The following CAMTA1 variants were observed in gnomAD, a reference collection of about 807,000 sequenced individuals.
CAMTA1 encodes calmodulin-binding transcription activator 1.
CAMTA1 carries 27 observed loss-of-function variants against 170.9 expected under a neutral mutation model. The observed-to-expected ratio is 0.16, with a 90% CI of 0.12 to 0.22. The LOEUF is 0.22. Among genes scored for constraint, CAMTA1 ranks in the 10% least tolerant of loss-of-function variants. The pLI is 1.00. For missense variants in CAMTA1, 1,619 were observed against 2,217.2 expected (o/e 0.73, Z 5.42); for synonymous variants, 833 against 891.5 (o/e 0.93, Z 1.17).
chr1:7,019,363 A>G (rs1442800606), intron 3 of CAMTA1, among the ~76,000 whole-genome samples: 1 of 152,192 alleles, frequency 6.6e-6, no homozygotes, highest in Admixed American at 6.5e-5. Flanking sequence ...AAGACCTTCC[A>G]AAAGAGTGAG....
intron 3 of CAMTA1, among the ~76,000 whole-genome samples, chr1:7,025,209 C>T (rs1701863779): frequency 6.6e-6 from 1 of 152,212 alleles, no homozygotes. Flanking sequence ...GGGGAGGCTT[C>T]TGGAAGCCTG....
chr1:7,042,069 G>A (rs1192255190), intron 3 of CAMTA1, among the ~76,000 whole-genome samples: 1 of 149,326 alleles, frequency 6.7e-6, no homozygotes, highest in African/African-American at 2.4e-5. Context: ...TGATAGAGGT[G>A]CTTGCTTGTG....
At chr1:7,722,406 A>G (rs1331387970) in intron 11 of CAMTA1, among the ~76,000 whole-genome samples, 1 of 152,298 alleles carries the variant, frequency 6.6e-6, no homozygotes, top group East Asian at 1.9e-4. Flanking sequence ...AGAGGCTAGG[A>G]TGGGGTCGAC....
chr1:6,950,336 G>A (rs931014764), intron 3 of CAMTA1, among the ~76,000 whole-genome samples: 13 of 152,180 alleles, frequency 8.5e-5, no homozygotes, highest in Non-Finnish European at 1.5e-5. Context: ...GTGTGCTTTT[G>A]TTATATTTTT....
chr1:7,630,843 A>T (rs1454680702), intron 6 of CAMTA1, among the ~76,000 whole-genome samples: 1 of 152,230 alleles, frequency 6.6e-6, no homozygotes, highest in Non-Finnish European at 1.5e-5. Context: ...ACTCGGCCGC[A>T]GTGGGAGATC....
At chr1:6,937,332 A>G (rs1198391640) in intron 3 of CAMTA1, among the ~76,000 whole-genome samples, 1 of 149,852 alleles carries the variant, frequency 6.7e-6, no homozygotes, top group East Asian at 2.0e-4. Flanking sequence ...CACCATCACC[A>G]TTCACCACTT....
intron 3 of CAMTA1, among the ~76,000 whole-genome samples, chr1:6,956,081 C>T (rs545343060): frequency 6.6e-6 from 1 of 152,248 alleles, no homozygotes; most frequent in Non-Finnish European, 1.5e-5. Flanking sequence ...TCATGCACAC[C>T]GCTTGGGGCT....
chr1:7,017,673 C>T (rs906761574), intron 3 of CAMTA1, among the ~76,000 whole-genome samples: 1 of 152,214 alleles, frequency 6.6e-6, no homozygotes, highest in Non-Finnish European at 1.5e-5. Context: ...TTTTCTTCTG[C>T]TTCCTTTCCT....
At chr1:7,095,359 T>G (rs911013479) in intron 4 of CAMTA1, among the ~76,000 whole-genome samples, 1 of 152,070 alleles carries the variant, frequency 6.6e-6, no homozygotes, top group African/African-American at 2.4e-5. Context: ...TTTCTCCACT[T>G]CAGTTTTTCG....
At chr1:7,328,181 G>A (rs1373834017) in intron 5 of CAMTA1, among the ~76,000 whole-genome samples, 1 of 152,100 alleles carries the variant, frequency 6.6e-6, no homozygotes, top group Non-Finnish European at 1.5e-5. Context: ...TTTGGTGGCT[G>A]GCTGTCTTTC....
chr1:7,624,111 T>A (rs1178922033), intron 6 of CAMTA1, among the ~76,000 whole-genome samples: 3 of 152,364 alleles, frequency 2.0e-5, no homozygotes, highest in African/African-American at 7.2e-5. Flanking sequence ...TCAGCCCAGC[T>A]TCTGTTTTCT....
chr1:7,045,875 G>A (rs76299678), intron 3 of CAMTA1, among the ~76,000 whole-genome samples: 16,202 of 152,218 alleles, frequency 0.11, 1,130 homozygotes, highest in East Asian at 0.22. Flanking sequence ...GAATGTGCCC[G>A]ATTTAGATGT....
intron 3 of CAMTA1, among the ~76,000 whole-genome samples, chr1:7,056,604 G>A (rs1242182443): frequency 2.0e-5 from 3 of 152,140 alleles, no homozygotes; most frequent in African/African-American, 7.2e-5. Context: ...TTTGGTGCTG[G>A]GAAAAACAGA....
chr1:7,448,520 C>G (rs960027400), intron 5 of CAMTA1, among the ~76,000 whole-genome samples: 6 of 152,184 alleles, frequency 3.9e-5, no homozygotes, highest in African/African-American at 1.4e-4. Flanking sequence ...CAGAGCCTGT[C>G]CCAGTCTGTC....
intron 22 of CAMTA1, among the ~76,000 whole-genome samples, chr1:7,758,934 CAAAAAA>C (rs34490247): frequency 7.6e-5 from 6 of 78,986 alleles, no homozygotes; most frequent in East Asian, 3.1e-4. Flanking sequence ...GACTCTGTCT[CAAAAAA>C]AAAAAAAAAA....
chr1:7,704,659 C>T (rs1216127776), intron 11 of CAMTA1, among the ~76,000 whole-genome samples: 2 of 148,342 alleles, frequency 1.3e-5, no homozygotes, highest in Non-Finnish European at 3.0e-5. Context: ...GGGGCGGGGT[C>T]TGGTCCGGTG....
chr1:7,433,012 C>T (rs899274149), intron 5 of CAMTA1, among the ~76,000 whole-genome samples: 2 of 152,224 alleles, frequency 1.3e-5, no homozygotes, highest in Non-Finnish European at 2.9e-5. Flanking sequence ...GAAATCACCT[C>T]CTCAGAAGGA....
chr1:7,492,509 G>A (rs957114803), intron 6 of CAMTA1, among the ~76,000 whole-genome samples: 2 of 152,170 alleles, frequency 1.3e-5, no homozygotes, highest in Admixed American at 1.3e-4. Context: ...ATGAAAGAGA[G>A]AGAGCTCATC....
intron 11 of CAMTA1, among the ~76,000 whole-genome samples, chr1:7,692,881 C>A (rs1446576579): frequency 6.6e-6 from 1 of 152,210 alleles, no homozygotes; most frequent in African/African-American, 2.4e-5. Flanking sequence ...CAGCCCAGGG[C>A]AGGGGGCACA....
Sources: allele counts gnomAD v4.1 joint callset (sites outside exome capture counted in the v4.1 genomes callset), GRCh38; gene constraint gnomAD v4.1.1; transcripts MANE v1.5; gene names NCBI Gene and HGNC (gene_info 2026-07-23, HGNC 2026-07-21).